TTN: variants seen among roughly 807,000 people sequenced by gnomAD.
TTN encodes the protein connectin.
Under a neutral mutation model 3,223.0 loss-of-function variants are expected in TTN, and 1,525 were observed. That is an observed-to-expected ratio of 0.47 (90% CI 0.45 to 0.49). The LOEUF (loss-of-function observed/expected upper bound fraction) is 0.49. Among genes scored for constraint, TTN ranks in the 20% least tolerant of loss-of-function variants. The pLI, the probability that TTN is intolerant of heterozygous loss-of-function variation, is 0.00. For synonymous variants in TTN, 14,094 were observed against 15,161.0 expected, an observed-to-expected ratio of 0.93 and a Z score of 5.17; for missense variants, 40,786 against 43,424.0, an observed-to-expected ratio of 0.94 and a Z score of 5.40.
intron 43 of TTN, among the ~76,000 whole-genome samples, chr2:178,762,811 C>T (rs2089550159): frequency 6.6e-6 from 1 of 152,208 alleles, no homozygotes; most frequent in South Asian, 2.1e-4. Context: ...TATAATTCCT[C>T]TCTATGGCTA....
At chr2:178,689,003 ATTTTTTTTTTTTT>A (rs35770337) in intron 125 of TTN, 37 bp downstream of exon 125, 12 of 1,006,790 alleles carry the variant, frequency 1.2e-5, no homozygotes, top group East Asian at 8.0e-5. Flanking sequence ...ACACTCGAAG[ATTTTTTTTTTTTT>A]TTTTTTTTTT....
In TTN at chr2:178,571,509, T is replaced by C. The variant is rs770565202; in HGVS notation, c.74623A>G (p.Thr24875Ala). Residue 24875 changes from threonine (T) to alanine (A), a missense_variant, in exon 326 of 363, where the codon ACT (threonine) becomes GCT (alanine). Transcript: ENST00000589042. Reference protein sequence around the residue: ...RTTIKACRLKTGCEYQFRIAA... With the variant: ...RTTIKACRLKAGCEYQFRIAA... ...ATTCTAAACTGATATTCACATCCAG[T>C]CTTCAGTCTGCAAGCCTTTATTGTT... The C allele has an allele frequency of 3.1e-6, 5 of 1,613,322 alleles. No homozygotes were observed. The highest frequency in any genetic ancestry group is 4.2e-6 in the Non-Finnish European group (5 of 1,179,594).
At chr2:178,550,566 A>G in intron 336 of TTN, 1 of 423,602 alleles carries the variant, frequency 2.4e-6, no homozygotes, top group Non-Finnish European at 4.2e-6. Context: ...ACTGCTGCAC[A>G]GTCACACAAG....
Position 178,533,133 on chromosome 2 carries a change from T to C in TTN, c.103482A>G (p.Pro34494=), listed in dbSNP as rs1689928650. 15 of 1,614,004 alleles carry C rather than the reference T, an allele frequency of 9.3e-6. No individual in the cohort carries two copies. The highest frequency in any genetic ancestry group is 1.2e-5 in the Non-Finnish European group (14 of 1,179,868). Residue 34494 remains proline (P), a synonymous_variant, in exon 358 of 363, where the codon CCA becomes CCG. Transcript: ENST00000589042. ...GAGCCTCTTTAGCTACCTGTGTCAG[T>C]GGTACACTTTCAGTTCCAGAAAGAA... The part of the protein sequence containing the change: ...AEILSGTESV[P]LTQVAKEALR...
Position 178,706,618 on chromosome 2 carries a change from A to T in TTN, c.29256T>A (p.Asp9752Glu). ...GGRVFIHQKG[D>E]EAKLEIRDTT... The stretch of plus-strand genomic sequence containing the variant: ...TGTCCCTAATCTCCAGTTTTGCTTC[A>T]TCGCCTTTTTGGTGGATGAAAACAC... Residue 9752 changes from aspartate to glutamate, a missense_variant, in exon 102 of 363, where the codon GAT (aspartate) becomes GAA (glutamate). Transcript: ENST00000589042. The T allele has an allele frequency of 6.2e-7, 1 of 1,613,924 alleles. No homozygotes were observed. The highest frequency in any genetic ancestry group is 8.5e-7 in the Non-Finnish European group (1 of 1,179,838).
intron 20 of TTN, among the ~76,000 whole-genome samples, chr2:178,781,828 ACATGGCTATT>A (rs1195008655): frequency 6.6e-6 from 1 of 152,102 alleles, no homozygotes; most frequent in African/African-American, 2.4e-5. Context: ...CTTCTTCATT[ACATGGCTATT>A]CTTCTATCTT....
At position 178,611,769 on chromosome 2, in the gene TTN, T is replaced by C. The variant is rs760623859; in HGVS notation, c.50540A>G (p.Glu16847Gly). 3 of 1,612,034 alleles carry C rather than the reference T, an allele frequency of 1.9e-6. No homozygotes were observed. The highest frequency in any genetic ancestry group is 2.2e-5 in the South Asian group (2 of 90,746). Residue 16847 changes from glutamate (E) to glycine (G), a missense_variant, in exon 268 of 363, where the codon GAA (glutamate) becomes GGA (glycine). By Grantham distance (98) the Glu-to-Gly change is moderately conservative. Coordinates refer to ENST00000589042, the MANE Select transcript of TTN (RefSeq NM_001267550.2). Reference protein sequence around the residue: ...PSEPTEILSIEDPTSPPSPPL... With the variant: ...PSEPTEILSIGDPTSPPSPPL... ...TCAGCACTACTTACTTGTTGGATCT[T>C]CAATGGATAGGATTTCTGTGGGTTC...
intron 34 of TTN, 90 bp from the exon 35 acceptor site, chr2:178,770,765 G>T: frequency 6.8e-7 from 1 of 1,468,376 alleles, no homozygotes; most frequent in Non-Finnish European, 9.4e-7. Context: ...TACTCACCCT[G>T]CAAAAGAATG....
chr2:178,545,244 G>T, intron 344 of TTN, 144 bp downstream of exon 344: 1 of 652,802 alleles, frequency 1.5e-6, no homozygotes, highest in Non-Finnish European at 2.3e-6. Flanking sequence ...TCTGACTTAA[G>T]CTATATTTAT....
In TTN at chr2:178,720,128, C is replaced by G; in HGVS notation, c.23514G>C (p.Glu7838Asp). Residue 7838 changes from glutamate (E) to aspartate (D), a missense_variant, in exon 81 of 363, where the codon GAG (glutamate) becomes GAC (aspartate). Transcript: ENST00000589042. ...TGAATGAAATCCTGGTATTTTCACT[C>G]TCTCTGATGACTTCACCTCTATCTT... Reference protein sequence around the residue: ...WLKDRGEVIRESENTRISFID... With the variant: ...WLKDRGEVIRDSENTRISFID... 1 of 1,613,802 alleles carries G rather than the reference C, an allele frequency of 6.2e-7. No individual in the cohort carries two copies. The highest frequency in any genetic ancestry group is 8.5e-7 in the Non-Finnish European group (1 of 1,179,732).
chr2:178,707,767 T>C lies in TTN; in HGVS notation c.28800A>G (p.Thr9600=). Residue 9600 remains threonine (T), a synonymous_variant, in exon 100 of 363, where the codon ACA becomes ACG. Coordinates refer to ENST00000589042, the MANE Select transcript of TTN (RefSeq NM_001267550.2). ...GCTGCACGTATTCTCCTTCACTCAC[T>C]GTTACTGGAGTAAGGTGCTGATCAA... The part of the protein sequence containing the change: ...PVFDQHLTPV[T]VSEGEYVQLS... 1 of 1,613,650 alleles carries C rather than the reference T, an allele frequency of 6.2e-7. No homozygotes were observed. The highest frequency in any genetic ancestry group is 8.5e-7 in the Non-Finnish European group (1 of 1,179,592).
Position 178,589,369 on chromosome 2 carries a change from T to C in TTN, c.62356A>G (p.Thr20786Ala). Reference protein sequence around the residue: ...SGVLTVKAGDTIRLEAGVRGK... With the variant: ...SGVLTVKAGDAIRLEAGVRGK... ...CTAACCCCTGCCTCAAGCCTAATGG[T>C]GTCCCCTGCTTTGACAGTTAGGACC... The change falls in exon 304 of 363, where the codon ACC becomes GCC. Residue 20786 changes from threonine to alanine, a missense_variant. Transcript: ENST00000589042. 1 of 1,613,454 alleles carries C rather than the reference T, an allele frequency of 6.2e-7. No individual in the cohort carries two copies. The highest frequency in any genetic ancestry group is 8.5e-7 in the Non-Finnish European group (1 of 1,179,630).
intron 47 of TTN, chr2:178,746,759 A>C (rs2083688197): frequency 6.2e-7 from 1 of 1,613,284 alleles, no homozygotes; most frequent in Admixed American, 1.7e-5. Flanking sequence ...ATACCATTTC[A>C]CACCAGGAAC....
chr2:178,538,210 G>C, intron 354 of TTN: 1 of 471,334 alleles, frequency 2.1e-6, no homozygotes, highest in South Asian at 4.0e-5. Context: ...TAATTCTGTA[G>C]TATTCTTGCC....
In TTN at chr2:178,775,998, T is replaced by C. The variant is rs1468661350; in HGVS notation, c.5866A>G (p.Lys1956Glu). 6.2e-7 allele frequency: 1 copy of C among 1,614,060 alleles called. No homozygotes were observed. The highest frequency in any genetic ancestry group is 8.5e-7 in the Non-Finnish European group (1 of 1,180,012). The change falls in exon 28 of 363, where the codon AAG becomes GAG. Residue 1956 changes from lysine to glutamate, a missense_variant. Physicochemically the swap from Lys to Glu is moderately conservative, Grantham distance 56. Coordinates refer to ENST00000589042, the MANE Select transcript of TTN (RefSeq NM_001267550.2). ...RPEFHVHEPG[K>E]LQFEVQKVDR... ...ACTTTTTGTACTTCAAACTGAAGCT[T>C]TCCTGGTTCATGTACGTGAAACTCA...
chr2:178,636,888 G>A lies in TTN; in HGVS notation c.40928-89C>T, dbSNP rs950555672. ...GGCTGCCTGCTGGATAAAACCAGCC[G>A]TAAAGCAATTAGAAGACGAGAAAAC... On this transcript the variant is annotated intron_variant, in intron 224 of 362. Coordinates refer to ENST00000589042, the MANE Select transcript of TTN (RefSeq NM_001267550.2). The surrounding 1 kb of genome is among the most constrained non-coding windows in gnomAD (Gnocchi z 4.3). 65 of 1,404,524 alleles carry A rather than the reference G, an allele frequency of 4.6e-5. No homozygotes were observed. Among genetic ancestry groups the A allele is most frequent in the Admixed American group, 1.3e-4 (5 of 39,096 alleles). 87.0% of individuals were successfully genotyped at this position (1,404,524 alleles called of 1,614,324 possible). A position where few individuals can be genotyped will look rare whatever the true frequency, so the allele number is the denominator to read the frequency against.
intron 90 of TTN, 142 bp from the exon 91 acceptor site, chr2:178,714,715 C>T: frequency 9.8e-7 from 1 of 1,018,810 alleles, no homozygotes; most frequent in South Asian, 1.8e-5. Flanking sequence ...CGAGCAGGGA[C>T]ACATTAAAGT....
chr2:178,647,749 A>G (rs1028740513), intron 213 of TTN, among the ~76,000 whole-genome samples: 5 of 152,154 alleles, frequency 3.3e-5, no homozygotes, highest in African/African-American at 9.7e-5. Flanking sequence ...TGCACACTCA[A>G]TTCTTATTTA....
chr2:178,704,575 T>C lies in TTN; in HGVS notation c.29897A>G (p.Lys9966Arg), dbSNP rs1400936440. 1 of 1,613,648 alleles carries C rather than the reference T, an allele frequency of 6.2e-7. No homozygotes were observed. Among genetic ancestry groups the C allele is most frequent in the South Asian group, 1.1e-5 (1 of 90,998 alleles). The change falls in exon 105 of 363, where the codon AAA becomes AGA. Residue 9966 changes from lysine to arginine, a missense_variant. Physicochemically the swap from Lys to Arg is conservative, Grantham distance 26. Coordinates refer to ENST00000589042, the MANE Select transcript of TTN (RefSeq NM_001267550.2). Reference sequence around the variant, plus strand: ...AACCAATCGATAATTGCCCTGGTCTTTAAGTTGACAGTTTTTGACTCTGAG... The same window carrying C: ...AACCAATCGATAATTGCCCTGGTCTCTAAGTTGACAGTTTTTGACTCTGAG... ...HTLRVKNCQL[K>R]DQGNYRLVCG...
Sources: gnomAD v4.1 joint callset for allele counts (sites outside exome capture counted in the v4.1 genomes callset) on GRCh38, gnomAD v4.1.1 for gene constraint, Gnocchi (gnomAD v3.1) non-coding constraint, MANE v1.5 for transcripts, NCBI Gene and HGNC (gene_info 2026-07-23, HGNC 2026-07-21) for gene names.